Variants in GRIK2 observed in about 807,000 individuals in gnomAD.
The protein encoded by GRIK2 is glutamate receptor ionotropic, kainate 2.
In GRIK2, 32 loss-of-function variants were observed where a neutral mutation model predicts 100.3. The ratio of observed to expected loss-of-function variants is 0.32; its 90% CI spans 0.24 to 0.43. The LOEUF (loss-of-function observed/expected upper bound fraction) is 0.43, where lower values mean the gene tolerates loss of function less well. Ranked by LOEUF, GRIK2 falls within the 20% of genes least tolerant of loss-of-function variation. The pLI is 1.00. For missense variants in GRIK2, 843 were observed against 1,114.9 expected (o/e 0.76, Z 3.47); for synonymous variants, 417 against 389.4 (o/e 1.07, Z -0.83).
chr6:102,051,251 CCCTTCCTT>C (rs369459574), intron 15 of GRIK2, among the ~76,000 whole-genome samples: 10,166 of 121,622 alleles, frequency 0.084, 507 homozygotes, highest in African/African-American at 0.13. Context: ...TTCCCTCCCT[CCCTTCCTT>C]CCTTCCTTCC....
intron 2 of GRIK2, among the ~76,000 whole-genome samples, chr6:101,537,768 A>G (rs1391572037): frequency 6.6e-6 from 1 of 151,800 alleles, no homozygotes; most frequent in Non-Finnish European, 1.5e-5. Context: ...AGGAATTCTA[A>G]GACTCCTATT....
intron 2 of GRIK2, among the ~76,000 whole-genome samples, chr6:101,537,502 G>A (rs534778411): frequency 6.6e-6 from 1 of 150,840 alleles, no homozygotes; most frequent in African/African-American, 2.4e-5. Context: ...GAGATTATAT[G>A]TTGGGGGGAG....
At chr6:101,767,344 C>G (rs1348691607) in intron 7 of GRIK2, among the ~76,000 whole-genome samples, 1 of 151,944 alleles carries the variant, frequency 6.6e-6, no homozygotes, top group Non-Finnish European at 1.5e-5. Context: ...GAAAGGTAAA[C>G]TTTTCTGTAA....
chr6:101,611,601 T>C (rs1185891549), intron 2 of GRIK2, among the ~76,000 whole-genome samples: 1 of 151,798 alleles, frequency 6.6e-6, no homozygotes, highest in Non-Finnish European at 1.5e-5. Context: ...AGGTTGAAAA[T>C]ACTGGAGCCA....
Position 101,569,335 on chromosome 6 carries a change from T to C in GRIK2, c.116-52614T>C, listed in dbSNP as rs575419702. On this transcript the variant is annotated intron_variant, in intron 2 of 16. Coordinates refer to ENST00000369134, the MANE Select transcript of GRIK2 (RefSeq NM_021956.5). ...GTCTCAAAAGGTATTTTTAAAATTA[T>C]AATATTATAAATAAAGCTTTTAAAA... is the stretch of plus-strand genomic sequence containing the variant. Among the ~76,000 whole-genome samples, 7 of 151,986 alleles carry C rather than the reference T, an allele frequency of 4.6e-5. No individual in the cohort carries two copies. In the East Asian group the frequency reaches 5.8e-4, roughly 13 times the overall value.
At position 101,441,220 on chromosome 6, in the gene GRIK2, G is replaced by A. The variant is rs76834835; in HGVS notation, c.115+41828G>A. 5.9e-3 allele frequency among the ~76,000 whole-genome samples: 890 copies of A among 152,116 alleles called. 5 individuals are homozygous for A. The highest frequency in any genetic ancestry group is 0.02 in the African/African-American group (848 of 41,510). Reference sequence around the variant, plus strand: ...AGTAACCCCATGCAGGTTGGTCCTCGCTGTGAGATTCTTTCTGAGTAGTCT... The same window carrying A: ...AGTAACCCCATGCAGGTTGGTCCTCACTGTGAGATTCTTTCTGAGTAGTCT... On this transcript the variant is annotated intron_variant, in intron 2 of 16. Transcript: ENST00000369134.
chr6:101,401,161 A>G (rs968580420), intron 2 of GRIK2, among the ~76,000 whole-genome samples: 2 of 152,176 alleles, frequency 1.3e-5, no homozygotes, highest in Non-Finnish European at 2.9e-5. Flanking sequence ...GTGCGTTACT[A>G]AGTGTGTTTG....
At chr6:101,733,652 A>G (rs577601317) in intron 7 of GRIK2, among the ~76,000 whole-genome samples, 1 of 151,474 alleles carries the variant, frequency 6.6e-6, no homozygotes, top group South Asian at 2.1e-4. Flanking sequence ...GAATTTTCCA[A>G]ATCTTCAAGG....
intron 7 of GRIK2, among the ~76,000 whole-genome samples, chr6:101,693,785 CTA>C (rs1772278011): frequency 1.3e-5 from 2 of 151,678 alleles, no homozygotes; most frequent in African/African-American, 4.8e-5. Context: ...ATATATGTGA[CTA>C]TATCATATAT....
intron 14 of GRIK2, among the ~76,000 whole-genome samples, chr6:102,034,373 T>A (rs1305746760): frequency 6.6e-6 from 1 of 151,366 alleles, no homozygotes; most frequent in African/African-American, 2.4e-5. Flanking sequence ...TAAAAAATAT[T>A]CCATATCTAT....
chr6:101,572,683 T>C (rs1053915853), intron 2 of GRIK2, among the ~76,000 whole-genome samples: 4 of 151,570 alleles, frequency 2.6e-5, no homozygotes, highest in African/African-American at 7.3e-5. Context: ...CCCTGAGTTA[T>C]TGTGTTTCTC....
chr6:101,525,852 A>G (rs142073995), intron 2 of GRIK2, among the ~76,000 whole-genome samples: 143 of 152,304 alleles, frequency 9.4e-4, no homozygotes, highest in Middle Eastern at 3.4e-3. Context: ...TCACGCTCAC[A>G]ATTTCCTACT....
At chr6:102,037,615 G>A (rs964292081) in intron 15 of GRIK2, among the ~76,000 whole-genome samples, 1 of 140,304 alleles carries the variant, frequency 7.1e-6, no homozygotes, top group Non-Finnish European at 1.6e-5. Context: ...TCAAAATTGG[G>A]CAATTAATTT....
At chr6:101,642,639 A>T (rs948513782) in intron 4 of GRIK2, among the ~76,000 whole-genome samples, 2 of 151,718 alleles carry the variant, frequency 1.3e-5, no homozygotes, top group Admixed American at 1.3e-4. Context: ...TCATTCATTC[A>T]TCAAATACTT....
intron 7 of GRIK2, among the ~76,000 whole-genome samples, chr6:101,795,735 G>A (rs557197189): frequency 3.9e-5 from 6 of 152,338 alleles, no homozygotes; most frequent in African/African-American, 1.4e-4. Flanking sequence ...GAACAAGGCA[G>A]GGCTGTTCTC....
At chr6:101,772,909 C>G (rs1024736367) in intron 7 of GRIK2, among the ~76,000 whole-genome samples, 1 of 152,058 alleles carries the variant, frequency 6.6e-6, no homozygotes, top group African/African-American at 2.4e-5. Flanking sequence ...CTCCAAAGAA[C>G]TAAATCATCT....
intron 11 of GRIK2, among the ~76,000 whole-genome samples, chr6:101,875,088 T>C (rs1168949002): frequency 1.3e-5 from 2 of 152,112 alleles, no homozygotes; most frequent in African/African-American, 2.4e-5. Flanking sequence ...TACCTTTATT[T>C]CTTTCTCCTG....
intron 14 of GRIK2, among the ~76,000 whole-genome samples, chr6:101,978,418 T>C (rs1227003957): frequency 6.6e-6 from 1 of 151,990 alleles, no homozygotes; most frequent in African/African-American, 2.4e-5. Context: ...ATAATTGCTA[T>C]TGAGTTGTCC....
chr6:101,835,338 A>C (rs1199540445), intron 10 of GRIK2, among the ~76,000 whole-genome samples: 1 of 152,106 alleles, frequency 6.6e-6, no homozygotes, highest in Non-Finnish European at 1.5e-5. Flanking sequence ...GGCTGGGTTT[A>C]AGTAAGGGTG....
Sources: allele counts gnomAD v4.1 joint callset (sites outside exome capture counted in the v4.1 genomes callset), GRCh38; gene constraint gnomAD v4.1.1; transcripts MANE v1.5; gene names NCBI Gene and HGNC (gene_info 2026-07-23, HGNC 2026-07-21).